The following PI4KA variants were observed in gnomAD, a reference collection of about 807,000 sequenced individuals.
PI4KA encodes phosphatidylinositol 4-kinase alpha.
PI4KA carries 122 observed loss-of-function variants against 271.4 expected under a neutral mutation model. The ratio of observed to expected loss-of-function variants is 0.45; its 90% CI spans 0.39 to 0.52. The LOEUF is 0.52. PI4KA is among the 20% of genes least tolerant of loss of function. The probability of loss-of-function intolerance (pLI) is 0.00; values close to 1 mark genes in which losing one functional copy is unlikely to be tolerated. For missense variants in PI4KA, 1,969 were observed against 2,769.1 expected (o/e 0.71, Z 6.48); for synonymous variants, 1,041 against 1,078.8 (o/e 0.96, Z 0.69).
chr22:20,747,429 C>T (rs1405147244), intron 29 of PI4KA, 154 bp downstream of exon 29: 14 of 636,178 alleles, frequency 2.2e-5, no homozygotes, highest in African/African-American at 3.7e-5. Flanking sequence ...GGCCAAGGTG[C>T]GGCTTGCACC....
intron 19 of PI4KA, among the ~76,000 whole-genome samples, chr22:20,781,956 C>T (rs151092160): frequency 7.4e-4 from 112 of 152,308 alleles, no homozygotes; most frequent in African/African-American, 2.6e-3. Flanking sequence ...CAGAGTGGCA[C>T]ATGACAAGAG....
At position 20,734,049 on chromosome 22, in the gene PI4KA, C is replaced by T. The variant is rs760912601; in HGVS notation, c.4046G>A (p.Arg1349His). ...CCAGGAAGAGGGCCCTCACTTGAAG[C>T]GGGGCCCGATGGCCGCCACGTGCCG... ...MNRHVAAIGP[R>H]FKLLTLGLSL... is the part of the protein sequence containing the mutation. The change falls in exon 34 of 55, where the codon CGC becomes CAC. Residue 1349 changes from arginine (R) to histidine (H), a missense_variant. By Grantham distance (29) the Arg-to-His change is conservative (BLOSUM62 0). This residue lies in a region of PI4KA where 72 missense variants were observed against 103.1 expected (regional missense o/e 0.70). Transcript: ENST00000255882. The T allele has an allele frequency of 5.0e-6, 8 of 1,588,292 alleles. No individual in the cohort carries two copies. The highest frequency in any genetic ancestry group is 4.6e-5 in the South Asian group (4 of 87,816).
intron 19 of PI4KA, among the ~76,000 whole-genome samples, chr22:20,767,531 A>G (rs2147409530): frequency 6.6e-6 from 1 of 151,888 alleles, no homozygotes; most frequent in South Asian, 2.1e-4. Flanking sequence ...CACAATCATC[A>G]CTGCAGCACT....
chr22:20,747,827 T>TAA (rs1439190879), intron 28 of PI4KA, 125 bp from the exon 29 acceptor site: 1 of 851,426 alleles, frequency 1.2e-6, no homozygotes. Flanking sequence ...CTCGACCTCT[T>TAA]AGACTCAAGC....
At chr22:20,714,974 C>A (rs575552928) in intron 45 of PI4KA, among the ~76,000 whole-genome samples, 3 of 152,224 alleles carry the variant, frequency 2.0e-5, no homozygotes, top group Admixed American at 6.5e-5. Flanking sequence ...TGAGCCCCAT[C>A]CTCACGGATA....
At chr22:20,764,186 C>G (rs1003263774) in intron 22 of PI4KA, among the ~76,000 whole-genome samples, 7 of 152,192 alleles carry the variant, frequency 4.6e-5, no homozygotes, top group African/African-American at 1.7e-4. Context: ...GAGGCCTCAG[C>G]ACAGTGGGTC....
chr22:20,715,458 G>A (rs373858518), intron 45 of PI4KA, among the ~76,000 whole-genome samples: 2 of 151,980 alleles, frequency 1.3e-5, no homozygotes, highest in Admixed American at 1.3e-4. Context: ...CCAGCCTTTA[G>A]GACTTTTGTC....
chr22:20,781,818 A>G (rs1933823046), intron 19 of PI4KA, among the ~76,000 whole-genome samples: 1 of 152,216 alleles, frequency 6.6e-6, no homozygotes, highest in Non-Finnish European at 1.5e-5. Flanking sequence ...TGGTTTCACC[A>G]CTTCTCGTTT....
At chr22:20,855,913 A>G (rs1927529857) in intron 1 of PI4KA, among the ~76,000 whole-genome samples, 1 of 152,238 alleles carries the variant, frequency 6.6e-6, no homozygotes, top group Non-Finnish European at 1.5e-5. Context: ...GATGCCAGCC[A>G]AAGGCCAACT....
In PI4KA at chr22:20,813,345, G is replaced by A. The variant is rs1158900260; in HGVS notation, c.1005+13C>T. On this transcript the variant is annotated intron_variant, in intron 8 of 54. Coordinates refer to ENST00000255882, the MANE Select transcript of PI4KA (RefSeq NM_058004.4). Reference sequence around the variant, plus strand: ...ATATCCATGGTCTGTTCATCCATCAGTTCTTTGCTTACCAGGTTTAAGAGT... The same window carrying A: ...ATATCCATGGTCTGTTCATCCATCAATTCTTTGCTTACCAGGTTTAAGAGT... The A allele has an allele frequency of 8.7e-6, 14 of 1,608,358 alleles. No homozygotes were observed. Among genetic ancestry groups the A allele is most frequent in the Non-Finnish European group, 1.1e-5 (13 of 1,174,926 alleles).
intron 47 of PI4KA, among the ~76,000 whole-genome samples, chr22:20,714,123 A>G (rs1925676189): frequency 6.6e-6 from 1 of 152,152 alleles, no homozygotes; most frequent in Admixed American, 6.5e-5. Context: ...CACGGCCCTG[A>G]TGATGGACTC....
At chr22:20,774,411 T>A (rs1933078216) in intron 19 of PI4KA, among the ~76,000 whole-genome samples, 1 of 152,352 alleles carries the variant, frequency 6.6e-6, no homozygotes, top group African/African-American at 2.4e-5. Flanking sequence ...ATAACTGTCC[T>A]GTGATTATGT....
Position 20,850,014 on chromosome 22 carries a change from T to C in PI4KA, c.156+8556A>G, listed in dbSNP as rs556617115. On this transcript the variant is annotated intron_variant, in intron 1 of 54. Transcript: ENST00000255882. ...CTGCAGGGTAACAGCAAGGTTTCTT[T>C]TGAGGGCAATGAAAATGACCTAAAA... Among the ~76,000 whole-genome samples, 17 of 152,290 alleles carry C rather than the reference T, an allele frequency of 1.1e-4. 1 individual carries two copies. The South Asian group carries it at 3.5e-3, about 32-fold the overall frequency.
At chr22:20,742,796 T>G in intron 30 of PI4KA, 32 bp from the exon 31 acceptor site, 1 of 1,610,846 alleles carries the variant, frequency 6.2e-7, no homozygotes, top group Non-Finnish European at 8.5e-7. Context: ...CAACTAAGCA[T>G]ATAATCCAGG....
intron 23 of PI4KA, among the ~76,000 whole-genome samples, chr22:20,759,690 C>T (rs571657308): frequency 1.2e-4 from 18 of 152,080 alleles, no homozygotes; most frequent in African/African-American, 3.9e-4. Flanking sequence ...CTCAGCCTCC[C>T]GAGTAGCTGG....
chr22:20,841,159 C>T (rs527715132), intron 1 of PI4KA, among the ~76,000 whole-genome samples: 1 of 152,244 alleles, frequency 6.6e-6, no homozygotes, highest in Non-Finnish European at 1.5e-5. Context: ...AGATTACAGG[C>T]ATGAGCCATC....
At chr22:20,792,567 T>C (rs1934711624) in intron 19 of PI4KA, among the ~76,000 whole-genome samples, 1 of 152,162 alleles carries the variant, frequency 6.6e-6, no homozygotes, top group Non-Finnish European at 1.5e-5. Context: ...AAATAAATAC[T>C]GGAACATAGG....
At chr22:20,770,515 A>G (rs1489761367) in intron 19 of PI4KA, among the ~76,000 whole-genome samples, 1 of 96,284 alleles carries the variant, frequency 1.0e-5, no homozygotes, top group Non-Finnish European at 2.1e-5. Flanking sequence ...CTCCGTCTCA[A>G]AAAAAAAAAA....
chr22:20,741,198 T>C (rs2147281634), intron 32 of PI4KA, among the ~76,000 whole-genome samples: 1 of 152,298 alleles, frequency 6.6e-6, no homozygotes, highest in Admixed American at 6.5e-5. Context: ...GGCAATGGTA[T>C]ACAGCTGTCT....
Sources: gnomAD v4.1 joint callset for allele counts (sites outside exome capture counted in the v4.1 genomes callset) on GRCh38, gnomAD v4.1.1 for gene constraint, gnomAD v4.1.1 regional missense constraint, MANE v1.5 for transcripts, NCBI Gene and HGNC (gene_info 2026-07-23, HGNC 2026-07-21) for gene names.